The following SMIM10L3 variants were observed in gnomAD, a reference collection of about 807,000 sequenced individuals.
SMIM10L3 encodes small integral membrane protein 10 like 3.
chr7:6,345,779 AT>A, the SMIM10L3 span, among the ~76,000 whole-genome samples: 1 of 151,104 alleles, frequency 6.6e-6, no homozygotes, highest in Admixed American at 6.6e-5. Context: ...TATTATTATT[AT>A]TTTTTTGAGA....
At chr7:6,347,973 C>T in the SMIM10L3 span, among the ~76,000 whole-genome samples, 1 of 150,564 alleles carries the variant, frequency 6.6e-6, no homozygotes, top group African/African-American at 2.4e-5. Context: ...CGCAATGGAG[C>T]GATCTCGGCT....
At chr7:6,330,796 C>T in the SMIM10L3 span, 28 of 1,614,078 alleles carry the variant, frequency 1.7e-5, no homozygotes, top group African/African-American at 3.2e-4. Flanking sequence ...TTCAACACCA[C>T]TGCAGGACAC....
the SMIM10L3 span, among the ~76,000 whole-genome samples, chr7:6,341,638 T>G: frequency 1.2e-4 from 15 of 129,356 alleles, no homozygotes; most frequent in South Asian, 4.8e-4. Context: ...TGCAGTGAGC[T>G]GAGATCGCGC....
At chr7:6,345,767 G>A in the SMIM10L3 span, among the ~76,000 whole-genome samples, 2 of 151,784 alleles carry the variant, frequency 1.3e-5, no homozygotes, top group South Asian at 4.2e-4. Context: ...TTTGGTGGTG[G>A]TTATTATTAT....
At chr7:6,344,455 C>T in the SMIM10L3 span, among the ~76,000 whole-genome samples, 1 of 152,082 alleles carries the variant, frequency 6.6e-6, no homozygotes, top group Non-Finnish European at 1.5e-5. Flanking sequence ...CGGGGTCTTG[C>T]TCTGTTGCCC....
At chr7:6,348,425 C>A in the SMIM10L3 span, 2 of 396,100 alleles carry the variant, frequency 5.0e-6, no homozygotes, top group East Asian at 7.2e-5. Context: ...CTCAGTGGAT[C>A]TCCCCAAAGT....
the SMIM10L3 span, among the ~76,000 whole-genome samples, chr7:6,339,445 A>G: frequency 6.6e-6 from 1 of 152,128 alleles, no homozygotes; most frequent in African/African-American, 2.4e-5. Flanking sequence ...TCCATAAAAA[A>G]TAAATCATCT....
the SMIM10L3 span, chr7:6,330,541 C>G: frequency 6.2e-7 from 1 of 1,614,008 alleles, no homozygotes; most frequent in Non-Finnish European, 8.5e-7. Flanking sequence ...TGTCTCCTCA[C>G]TCAGGAGCAC....
chr7:6,338,163 T>C, the SMIM10L3 span, among the ~76,000 whole-genome samples: 1 of 152,182 alleles, frequency 6.6e-6, no homozygotes, highest in Non-Finnish European at 1.5e-5. Context: ...AACTAACCTC[T>C]TCTGGTATTA....
chr7:6,335,035 G>A, the SMIM10L3 span, among the ~76,000 whole-genome samples: 8 of 151,868 alleles, frequency 5.3e-5, no homozygotes, highest in Non-Finnish European at 8.8e-5. Flanking sequence ...CCAAAGTGGT[G>A]GGATTACAGG....
chr7:6,335,606 A>G, the SMIM10L3 span, among the ~76,000 whole-genome samples: 31 of 152,114 alleles, frequency 2.0e-4, no homozygotes, highest in African/African-American at 4.6e-4. Flanking sequence ...AACATTTTCT[A>G]TGTTTTATAA....
At chr7:6,346,546 A>C in the SMIM10L3 span, among the ~76,000 whole-genome samples, 1 of 152,030 alleles carries the variant, frequency 6.6e-6, no homozygotes, top group Non-Finnish European at 1.5e-5. Context: ...ACGCCCAGCT[A>C]ATTTTTTGTA....
chr7:6,333,900 G>A, the SMIM10L3 span, among the ~76,000 whole-genome samples: 7 of 138,802 alleles, frequency 5.0e-5, no homozygotes, highest in East Asian at 2.2e-4. Context: ...AGGCTGGAGT[G>A]CAGTGGCGCC....
chr7:6,337,284 C>T, the SMIM10L3 span, among the ~76,000 whole-genome samples: 2 of 151,942 alleles, frequency 1.3e-5, no homozygotes, highest in African/African-American at 4.8e-5. Flanking sequence ...CTTGCCAGCC[C>T]ATTAATTTTG....
the SMIM10L3 span, chr7:6,338,487 G>A: frequency 6.6e-6 from 1 of 152,160 alleles, no homozygotes; most frequent in Non-Finnish European, 1.5e-5. Context: ...ATAAAGTGTA[G>A]CCCTGGGTTC....
chr7:6,348,054 G>A, the SMIM10L3 span, among the ~76,000 whole-genome samples: 1 of 151,388 alleles, frequency 6.6e-6, no homozygotes, highest in African/African-American at 2.4e-5. Context: ...GGGATTACAG[G>A]CACGCGCCAC....
At chr7:6,334,501 T>C in the SMIM10L3 span, among the ~76,000 whole-genome samples, 1 of 152,114 alleles carries the variant, frequency 6.6e-6, no homozygotes, top group African/African-American at 2.4e-5. Context: ...GGAGTCTCAC[T>C]CTGTCACCCA....
At chr7:6,337,073 C>CT in the SMIM10L3 span, among the ~76,000 whole-genome samples, 2,566 of 144,862 alleles carry the variant, frequency 0.018, 66 homozygotes, top group African/African-American at 0.055. Context: ...TATTTTAATT[C>CT]TTTTTTTTTT....
the SMIM10L3 span, among the ~76,000 whole-genome samples, chr7:6,335,270 T>C: frequency 6.6e-6 from 1 of 151,928 alleles, no homozygotes; most frequent in East Asian, 2.0e-4. Flanking sequence ...TTGCCCAGGC[T>C]GGAGGGCAAT....
Sources: gnomAD v4.1 joint callset for allele counts (sites outside exome capture counted in the v4.1 genomes callset) on GRCh38, gnomAD v4.1.1 for gene constraint, MANE v1.5 for transcripts, NCBI Gene and HGNC (gene_info 2026-07-23, HGNC 2026-07-21) for gene names.